YPEL3: variants seen among roughly 807,000 people sequenced by gnomAD.
The protein encoded by YPEL3 is yippee like 3.
YPEL3 carries 5 observed loss-of-function variants against 17.5 expected under a neutral mutation model. The ratio of observed to expected loss-of-function variants is 0.29; its 90% CI spans 0.15 to 0.60. The LOEUF (loss-of-function observed/expected upper bound fraction) is 0.60, where lower values mean the gene tolerates loss of function less well. YPEL3 is among the 20% of genes least tolerant of loss of function. The probability of loss-of-function intolerance (pLI) is 0.87; values close to 1 mark genes in which losing one functional copy is unlikely to be tolerated. For synonymous variants in YPEL3, 87 were observed against 87.2 expected, an observed-to-expected ratio of 1.00 and a Z score of 0.01; for missense variants, 155 against 211.4, an observed-to-expected ratio of 0.73 and a Z score of 1.65.
intron 3 of YPEL3, 124 bp from the exon 4 acceptor site, chr16:30,092,923 G>A (rs991346887): frequency 6.6e-6 from 5 of 760,188 alleles, no homozygotes; most frequent in Admixed American, 2.3e-5. Flanking sequence ...GAGGGGCAGG[G>A]CCGTATTTCT....
chr16:30,095,901 A>T lies in YPEL3; in HGVS notation c.-419T>A, dbSNP rs1341262418. ...CCGTGAAGGTTGAGGGTCACCTAGG[A>T]GGGGAGGGGCTCTCACCTGCGGGCG... On this transcript the variant is annotated 5_prime_UTR_variant, in exon 1 of 4. Coordinates refer to ENST00000398841, the MANE Select transcript of YPEL3 (RefSeq NM_031477.5). The surrounding 1 kb of genome is among the most constrained non-coding windows in gnomAD (Gnocchi z 5.4). The T allele has an allele frequency of 1.2e-5, 2 of 164,152 alleles. No homozygotes were observed. The highest frequency in any genetic ancestry group is 6.3e-5 in the Admixed American group (1 of 15,928). The allele number at this position is 164,152 out of a possible 1,614,324, so 10.2% of individuals were successfully genotyped here.
In YPEL3 at chr16:30,095,314, G is replaced by A. The variant is rs781672800; in HGVS notation, c.169C>T (p.Arg57Trp). The stretch of plus-strand genomic sequence containing the variant: ...CGGCAGTGGGCACAGCTATACCTCC[G>A]GTGACAATCATCCAAGTAGGCCTGA... ...TFQAYLDDCH[R>W]RYSCAHCRAH... Residue 57 changes from arginine (R) to tryptophan (W), a missense_variant, in exon 1 of 4, where the codon CGG (arginine) becomes TGG (tryptophan). By Grantham distance (101) the Arg-to-Trp change is moderately radical (BLOSUM62 -3). Transcript: ENST00000398841. The surrounding 1 kb of genome is among the most constrained non-coding windows in gnomAD (Gnocchi z 5.4). 2 of 1,614,212 alleles carry A rather than the reference G, an allele frequency of 1.2e-6. No homozygotes were observed. Among genetic ancestry groups the A allele is most frequent in the East Asian group, 2.2e-5 (1 of 44,884 alleles).
chr16:30,093,876 C>T (rs1332271441), intron 3 of YPEL3: 1 of 152,154 alleles, frequency 6.6e-6, no homozygotes, highest in African/African-American at 2.4e-5. Flanking sequence ...GTGTGAGCCA[C>T]TGTGCCTGGC....
rs1413126022 is a variant in YPEL3, at chr16:30,092,479, G to A, written c.*231C>T. ...ACTATAGGGCAGGTGGGGCAGGAAC[G>A]GGTTAAAAACGAGATCCAAGCCAGC... On this transcript the variant is annotated 3_prime_UTR_variant, in exon 4 of 4. Transcript: ENST00000398841. 17 of 553,786 alleles carry A rather than the reference G, an allele frequency of 3.1e-5. No individual in the cohort carries two copies. The highest frequency in any genetic ancestry group is 1.4e-4 in the South Asian group (6 of 41,586). The allele number at this position is 553,786 out of a possible 1,614,324, so 34.3% of individuals were successfully genotyped here. A position where few individuals can be genotyped will look rare whatever the true frequency, so the allele number is the denominator to read the frequency against.
At position 30,095,085 on chromosome 16, in the gene YPEL3, G is replaced by C. The variant is rs1377550733; in HGVS notation, c.275+18C>G. 1 of 1,614,070 alleles carries C rather than the reference G, an allele frequency of 6.2e-7. No individual in the cohort carries two copies. The highest frequency in any genetic ancestry group is 8.5e-7 in the Non-Finnish European group (1 of 1,180,018). ...CAACAGAGGTCAGGGAAAGCAAGAA[G>C]GGAGGCCAGATACTCACACTGAGTT... On this transcript the variant is annotated intron_variant, in intron 2 of 3. Transcript: ENST00000398841. The surrounding 1 kb of genome is among the most constrained non-coding windows in gnomAD (Gnocchi z 5.4).
At chr16:30,093,712 G>T (rs1358309727) in intron 3 of YPEL3, 1 of 151,410 alleles carries the variant, frequency 6.6e-6, no homozygotes, top group Non-Finnish European at 1.5e-5. Flanking sequence ...GAGTAGCTGG[G>T]ACTAGAGGCG....
rs1047008678 is a variant in YPEL3 at position 30,095,712 on chromosome 16, G to T, written c.-230C>A. On this transcript the variant is annotated 5_prime_UTR_variant, in exon 1 of 4. Transcript: ENST00000398841. This position sits in a 1 kb window ranked among gnomAD's most constrained non-coding sequence, Gnocchi z 5.4. ...CCTGGCAGCTGAAGCTGGAGGAAGGGGCTTTGGAGGGGCTGGGCTGTCAGT... is the reference window on the plus strand; with the variant it reads ...CCTGGCAGCTGAAGCTGGAGGAAGGTGCTTTGGAGGGGCTGGGCTGTCAGT... 3.9e-6 allele frequency: 2 copies of T among 512,344 alleles called. No individual in the cohort carries two copies. The highest frequency in any genetic ancestry group is 6.9e-6 in the Non-Finnish European group (2 of 290,412). 31.7% of individuals were successfully genotyped at this position (512,344 alleles called of 1,614,324 possible).
chr16:30,093,571 A>AG (rs1277948304), intron 3 of YPEL3, among the ~76,000 whole-genome samples: 1 of 149,112 alleles, frequency 6.7e-6, no homozygotes, highest in Non-Finnish European at 1.5e-5. Flanking sequence ...CTGGCACTTG[A>AG]GTTTTTGACC....
Position 30,092,549 on chromosome 16 carries a change from C to T in YPEL3, c.*161G>A. The T allele has an allele frequency of 1.6e-6, 1 of 623,248 alleles. No individual in the cohort carries two copies. Among genetic ancestry groups the T allele is most frequent in the Non-Finnish European group, 2.8e-6 (1 of 363,160 alleles). The allele number at this position is 623,248 out of a possible 1,614,324, so 38.6% of individuals were successfully genotyped here. On this transcript the variant is annotated 3_prime_UTR_variant, in exon 4 of 4. Coordinates refer to ENST00000398841, the MANE Select transcript of YPEL3 (RefSeq NM_031477.5). ...GGGCGTCGTCCCCCTTCTGTTCTCCCCCCAAGGTCACAGTGCATGCAATAA... is the reference window on the plus strand; with the variant it reads ...GGGCGTCGTCCCCCTTCTGTTCTCCTCCCAAGGTCACAGTGCATGCAATAA...
Position 30,092,466 on chromosome 16 carries a change from G to T in YPEL3, c.*244C>A, listed in dbSNP as rs1293091132. On this transcript the variant is annotated 3_prime_UTR_variant, in exon 4 of 4. Transcript: ENST00000398841. ...AACACAGGCCATAACTATAGGGCAGGTGGGGCAGGAACGGGTTAAAAACGA... is the reference window on the plus strand; with the variant it reads ...AACACAGGCCATAACTATAGGGCAGTTGGGGCAGGAACGGGTTAAAAACGA... The T allele has an allele frequency of 3.7e-6, 2 of 545,942 alleles. No individual in the cohort carries two copies. Among genetic ancestry groups the T allele is most frequent in the Admixed American group, 3.1e-5 (1 of 32,004 alleles). 33.8% of individuals were successfully genotyped at this position (545,942 alleles called of 1,614,324 possible). A position where few individuals can be genotyped will look rare whatever the true frequency, so the allele number is the denominator to read the frequency against.
chr16:30,092,782 G>T lies in YPEL3; in HGVS notation c.402C>A (p.Ser134Arg), dbSNP rs541341176. ...ACTTCCCCTCTTTGTACTTCTGGCT[G>T]CTCTCAAAGGCCTGTTCCTGAAAGG... is the stretch of plus-strand genomic sequence containing the variant. ...LGWKYEQAFESSQKYKEGKYI... is the reference protein window; with the variant it reads ...LGWKYEQAFERSQKYKEGKYI... The change falls in exon 4 of 4, where the codon AGC becomes AGA. Residue 134 changes from serine (S) to arginine (R), a missense_variant. Physicochemically the swap from Ser to Arg is moderately radical, Grantham distance 110 (BLOSUM62 -1). Coordinates refer to ENST00000398841, the MANE Select transcript of YPEL3 (RefSeq NM_031477.5). The T allele has an allele frequency of 6.2e-7, 1 of 1,614,012 alleles. No individual in the cohort carries two copies. Among genetic ancestry groups the T allele is most frequent in the Non-Finnish European group, 8.5e-7 (1 of 1,179,992 alleles).
rs1206209184 is a variant in YPEL3, at chr16:30,096,173, C to T, written c.-691G>A. 1.3e-5 allele frequency: 2 copies of T among 149,820 alleles called. No individual in the cohort carries two copies. The highest frequency in any genetic ancestry group is 4.9e-5 in the African/African-American group (2 of 41,186). 9.3% of individuals were successfully genotyped at this position (149,820 alleles called of 1,614,324 possible). ...GGGGGGCGCTCCTGGCGGGCGCCGT[C>T]CCCCCCGGGCCCGGGTTCGCAGGCG... On this transcript the variant is annotated 5_prime_UTR_variant, in exon 1 of 4. Transcript: ENST00000398841.
At chr16:30,092,884 C>A in intron 3 of YPEL3, 85 bp from the exon 4 acceptor site, 1 of 1,163,578 alleles carries the variant, frequency 8.6e-7, no homozygotes, top group East Asian at 2.4e-5. Flanking sequence ...TGAGTGGCCC[C>A]ATTTTACATA....
chr16:30,094,465 C>T (rs1194811192), intron 3 of YPEL3: 3 of 346,432 alleles, frequency 8.7e-6, no homozygotes, highest in African/African-American at 6.4e-5. Context: ...TAGCTTCTAC[C>T]TAGAGGATCA....
intron 3 of YPEL3, chr16:30,093,900 A>T (rs2072766802): frequency 6.6e-6 from 1 of 152,070 alleles, no homozygotes. Context: ...CCAGCTCTTT[A>T]TTTGGTAGAG....
rs994830885 is a variant in YPEL3 at position 30,095,248 on chromosome 16, T to C, written c.231+4A>G. On this transcript the variant is annotated splice_donor_region_variant and intron_variant, in intron 1 of 3. Coordinates refer to ENST00000398841, the MANE Select transcript of YPEL3 (RefSeq NM_031477.5). This position sits in a 1 kb window ranked among gnomAD's most constrained non-coding sequence, Gnocchi z 5.4. ...TCCAGCCCCACTGTGGCCTGGTTGG[T>C]TACCTTGGAGATGAGGTCGTCGTGG... is the stretch of plus-strand genomic sequence containing the variant. 4 of 1,614,034 alleles carry C rather than the reference T, an allele frequency of 2.5e-6. No homozygotes were observed. The African/African-American group carries it at 4.0e-5, about 16-fold the overall frequency.
chr16:30,092,860 T>TCTCACCACCA, intron 3 of YPEL3, 61 bp from the exon 4 acceptor site: 2 of 1,487,884 alleles, frequency 1.3e-6, no homozygotes, highest in South Asian at 2.3e-5. Flanking sequence ...GGCACTGGGG[T>TCTCACCACCA]TGGGAAGTGG....
intron 3 of YPEL3, 42 bp from the exon 4 acceptor site, chr16:30,092,841 TCAC>T (rs1431583598): frequency 6.3e-7 from 1 of 1,575,576 alleles, no homozygotes; most frequent in South Asian, 1.1e-5. Context: ...AGCAACAGTC[TCAC>T]CACAAGGCAC....
intron 3 of YPEL3, 68 bp from the exon 4 acceptor site, chr16:30,092,867 G>T: frequency 1.5e-6 from 2 of 1,338,298 alleles, no homozygotes; most frequent in African/African-American, 1.4e-5. Flanking sequence ...GGGTTGGGAA[G>T]TGGACATGAG....
Sources: allele counts gnomAD v4.1 joint callset (sites outside exome capture counted in the v4.1 genomes callset), GRCh38; gene constraint gnomAD v4.1.1; non-coding constraint Gnocchi (gnomAD v3.1); transcripts MANE v1.5; gene names NCBI Gene and HGNC (gene_info 2026-07-23, HGNC 2026-07-21).